RC3H2: variants seen among roughly 807,000 people sequenced by gnomAD.
The protein encoded by RC3H2 is roquin-2.
Under a neutral mutation model 133.3 loss-of-function variants are expected in RC3H2, and 31 were observed. That is an observed-to-expected ratio of 0.23 (90% CI 0.17 to 0.31). The LOEUF is 0.31. Among genes scored for constraint, RC3H2 ranks in the 10% least tolerant of loss-of-function variants. The pLI, the probability that RC3H2 is intolerant of heterozygous loss-of-function variation, is 1.00. For synonymous variants in RC3H2, 517 were observed against 502.2 expected (o/e 1.03, Z -0.40); for missense variants, 1,175 against 1,437.2 (o/e 0.82, Z 2.95).
chr9:122,860,919 T>C (rs1443065631), intron 10 of RC3H2, among the ~76,000 whole-genome samples: 12 of 152,310 alleles, frequency 7.9e-5, no homozygotes, highest in South Asian at 2.1e-4. Flanking sequence ...AAGGCCACTT[T>C]TGTTTATTTT....
rs928701233 is a variant in RC3H2, at chr9:122,845,671, A to C, written c.*3956T>G. On this transcript the variant is annotated 3_prime_UTR_variant, in exon 21 of 21. Transcript: ENST00000357244. Reference sequence around the variant, plus strand: ...ACGCCTTGTATTCCCTTGCCAGCAAAGGGATACAAGGAAGACGCTAGTATA... The same window carrying C: ...ACGCCTTGTATTCCCTTGCCAGCAACGGGATACAAGGAAGACGCTAGTATA... 1 of 152,184 alleles carries C rather than the reference A, an allele frequency of 6.6e-6. No homozygotes were observed. Among genetic ancestry groups the C allele is most frequent in the Non-Finnish European group, 1.5e-5 (1 of 68,026 alleles). 9.4% of individuals were successfully genotyped at this position (152,184 alleles called of 1,614,324 possible).
chr9:122,899,471 C>T (rs1179423341), intron 1 of RC3H2, among the ~76,000 whole-genome samples: 1 of 152,120 alleles, frequency 6.6e-6, no homozygotes, highest in Non-Finnish European at 1.5e-5. Context: ...GTAAAAAGCA[C>T]CCCTATACAA....
At chr9:122,858,238 C>G (rs535547487) in intron 12 of RC3H2, 145 bp from the exon 13 acceptor site, 1 of 702,360 alleles carries the variant, frequency 1.4e-6, no homozygotes, top group East Asian at 2.7e-5. Flanking sequence ...TCTCCATACA[C>G]TTAAAATAAA....
At chr9:122,888,448 C>T (rs1292103627) in intron 4 of RC3H2, among the ~76,000 whole-genome samples, 1 of 152,132 alleles carries the variant, frequency 6.6e-6, no homozygotes, top group Non-Finnish European at 1.5e-5. Context: ...TGTCTGCTTT[C>T]CCTTGATTCC....
chr9:122,854,113 G>A, intron 17 of RC3H2, 27 bp from the exon 18 acceptor site: 8 of 1,612,176 alleles, frequency 5.0e-6, no homozygotes, highest in Non-Finnish European at 6.8e-6. Context: ...AAAAAGAAAA[G>A]TTAGCTTCCA....
chr9:122,867,500 G>A (rs1830760223), intron 9 of RC3H2, among the ~76,000 whole-genome samples: 1 of 143,144 alleles, frequency 7.0e-6, no homozygotes, highest in Admixed American at 6.8e-5. Context: ...TGTCGGGGAT[G>A]TGAGGGGCGC....
chr9:122,897,801 A>G, intron 1 of RC3H2: 3 of 271,996 alleles, frequency 1.1e-5, no homozygotes, highest in Non-Finnish European at 1.4e-5. Flanking sequence ...AACTGTATTT[A>G]TATTGGTTGC....
chr9:122,871,793 C>A (rs780926238), intron 9 of RC3H2, among the ~76,000 whole-genome samples: 6 of 152,104 alleles, frequency 3.9e-5, no homozygotes, highest in Non-Finnish European at 7.4e-5. Flanking sequence ...ATGTAAGCCC[C>A]CGGAGGACAA....
At chr9:122,850,141 T>C (rs954472222) in intron 20 of RC3H2, among the ~76,000 whole-genome samples, 6 of 152,062 alleles carry the variant, frequency 3.9e-5, no homozygotes, top group Admixed American at 2.0e-4. Flanking sequence ...CACGCCCAGC[T>C]ATTTTGTATT....
chr9:122,875,397 A>G, intron 9 of RC3H2: 2 of 1,523,770 alleles, frequency 1.3e-6, no homozygotes, highest in South Asian at 2.5e-5. Context: ...CATTTAATAA[A>G]CAGATCATGG....
intron 5 of RC3H2, among the ~76,000 whole-genome samples, chr9:122,881,137 A>T (rs1006248703): frequency 1.5e-4 from 23 of 152,206 alleles, no homozygotes; most frequent in African/African-American, 5.5e-4. Context: ...GGCTTCTCCC[A>T]GCTGAAAGCT....
Position 122,858,040 on chromosome 9 carries a change from T to A in RC3H2, c.2337A>T (p.Pro779=). 6.2e-7 allele frequency: 1 copy of A among 1,614,236 alleles called. No homozygotes were observed. The highest frequency in any genetic ancestry group is 8.5e-7 in the Non-Finnish European group (1 of 1,180,030). The change falls in exon 13 of 21, where the codon CCA becomes CCT. Residue 779 remains proline (P), a synonymous_variant. Transcript: ENST00000357244. ...GAGTGTGGTACTGTGCCCACTGATC[T>A]GGCTTTCTTCTTATCTGCTCCTCGC... ...TSCEEQIRRK[P]DQWAQYHTQK...
At chr9:122,892,297 G>A (rs1832212635) in intron 3 of RC3H2, among the ~76,000 whole-genome samples, 1 of 152,100 alleles carries the variant, frequency 6.6e-6, no homozygotes, top group Non-Finnish European at 1.5e-5. Context: ...ATTTTTAGTA[G>A]AGATGGGCTT....
Position 122,855,335 on chromosome 9 carries a change from T to C in RC3H2, c.2664A>G (p.Lys888=). Residue 888 remains lysine, a synonymous_variant, in exon 15 of 21, where the codon AAA becomes AAG. Coordinates refer to ENST00000357244, the MANE Select transcript of RC3H2 (RefSeq NM_001100588.3). The part of the protein sequence containing the change: ...VHLFETQRRT[K]EEDPIIPFSD... ...TAAAGGGAATTATTGGATCTTCTTCTTTTGTCCTTCTCTGGGTTTCAAATA... is the reference window on the plus strand; with the variant it reads ...TAAAGGGAATTATTGGATCTTCTTCCTTTGTCCTTCTCTGGGTTTCAAATA... 6.2e-7 allele frequency: 1 copy of C among 1,614,156 alleles called. No homozygotes were observed. Among genetic ancestry groups the C allele is most frequent in the South Asian group, 1.1e-5 (1 of 91,090 alleles).
At chr9:122,870,247 T>C (rs1831009894) in intron 9 of RC3H2, among the ~76,000 whole-genome samples, 1 of 151,770 alleles carries the variant, frequency 6.6e-6, no homozygotes, top group African/African-American at 2.4e-5. Flanking sequence ...TGGTGGGACA[T>C]GCCTGTAATC....
rs1428733569 is a variant in RC3H2, at chr9:122,861,599, T to A, written c.1635-1468A>T. ...TTTTGCTGATTGTATTTGCTTGTTT[T>A]AGTCAAATTTTGACAAAGCTTTAGA... On this transcript the variant is annotated intron_variant, in intron 10 of 20. Transcript: ENST00000357244. Among the ~76,000 whole-genome samples the A allele has an allele frequency of 4.6e-5, 7 of 152,194 alleles. No homozygotes were observed. The East Asian group carries it at 1.3e-3, about 29-fold the overall frequency.
At chr9:122,886,276 A>ATC (rs1475268768) in intron 4 of RC3H2, among the ~76,000 whole-genome samples, 6 of 152,230 alleles carry the variant, frequency 3.9e-5, no homozygotes, top group Admixed American at 1.3e-4. Context: ...ATTTATGGAT[A>ATC]CATTACATTT....
At chr9:122,855,504 C>A in intron 14 of RC3H2, 107 bp from the exon 15 acceptor site, 2 of 1,121,216 alleles carry the variant, frequency 1.8e-6, no homozygotes, top group South Asian at 1.4e-5. Context: ...TAATTTAAAA[C>A]TAGCTCTAGA....
rs575939014 is a variant in RC3H2, at chr9:122,890,674, C to A, written c.350-129G>T. On this transcript the variant is annotated intron_variant, in intron 3 of 20. Coordinates refer to ENST00000357244, the MANE Select transcript of RC3H2 (RefSeq NM_001100588.3). The stretch of plus-strand genomic sequence containing the variant: ...TCCCTTGTAATGTGCTTTCATTTTT[C>A]TAACAGTATTCTGTCTCTGTTTGTT... The A allele has an allele frequency of 2.1e-4, 142 of 665,338 alleles. 2 individuals are homozygous for A. In the South Asian group the frequency reaches 2.9e-3, roughly 14 times the overall value. The allele number at this position is 665,338 out of a possible 1,614,324, so 41.2% of individuals were successfully genotyped here.
Sources: allele counts gnomAD v4.1 joint callset (sites outside exome capture counted in the v4.1 genomes callset), GRCh38; gene constraint gnomAD v4.1.1; transcripts MANE v1.5; gene names NCBI Gene and HGNC (gene_info 2026-07-23, HGNC 2026-07-21).